FLT3: variants seen among roughly 807,000 people sequenced by gnomAD.
FLT3 encodes receptor-type tyrosine-protein kinase FLT3.
Under a neutral mutation model 126.6 loss-of-function variants are expected in FLT3, and 46 were observed. That is an observed-to-expected ratio of 0.36 (90% CI 0.29 to 0.46). FLT3 has a LOEUF of 0.46. FLT3 is among the 20% of genes least tolerant of loss of function. The pLI, the probability that FLT3 is intolerant of heterozygous loss-of-function variation, is 1.00. For synonymous variants in FLT3, 404 were observed against 434.4 expected (o/e 0.93, Z 0.87); for missense variants, 1,069 against 1,190.3 (o/e 0.90, Z 1.50).
At chr13:28,091,207 C>CTTTTT (rs572410744) in intron 1 of FLT3, among the ~76,000 whole-genome samples, 816 of 36,586 alleles carry the variant, frequency 0.022, 143 homozygotes, top group Non-Finnish European at 0.025. Context: ...GCCCCATTTT[C>CTTTTT]TTTTTTTTTT....
chr13:28,050,299 T>TTCTCC, intron 5 of FLT3, 77 bp from the exon 6 acceptor site: 1 of 1,434,628 alleles, frequency 7.0e-7, no homozygotes, highest in Non-Finnish European at 9.7e-7. Context: ...GAGAACAAAG[T>TTCTCC]TCTAGAGCCA....
chr13:28,028,016 T>C (rs75469608), intron 16 of FLT3, among the ~76,000 whole-genome samples, 162 bp downstream of exon 16: 19 of 152,300 alleles, frequency 1.2e-4, no homozygotes, highest in African/African-American at 3.8e-4. Flanking sequence ...CTCTGATTTA[T>C]AGAGTGCTCA....
chr13:28,005,533 T>G (rs1450944477), intron 23 of FLT3, among the ~76,000 whole-genome samples: 2 of 151,908 alleles, frequency 1.3e-5, no homozygotes, highest in Admixed American at 1.3e-4. Context: ...GGCCACATAT[T>G]TTTTTTTCAC....
intron 1 of FLT3, among the ~76,000 whole-genome samples, chr13:28,089,641 T>C (rs530498424): frequency 6.6e-6 from 1 of 151,944 alleles, no homozygotes; most frequent in Admixed American, 6.5e-5. Flanking sequence ...TCCACTTACA[T>C]GACATTCTAT....
chr13:28,094,677 T>C (rs7337222), intron 1 of FLT3, among the ~76,000 whole-genome samples: 27,771 of 152,048 alleles, frequency 0.18, 4,528 homozygotes, highest in African/African-American at 0.44. Context: ...TTTTTAAATT[T>C]TTTTGTAGAG....
chr13:28,020,149 T>C (rs779338467), intron 19 of FLT3, among the ~76,000 whole-genome samples: 1 of 151,972 alleles, frequency 6.6e-6, no homozygotes, highest in Non-Finnish European at 1.5e-5. Context: ...TATCCCACAT[T>C]CCCTGCTGGT....
At chr13:28,022,744 G>A (rs1406407810) in intron 19 of FLT3, among the ~76,000 whole-genome samples, 1 of 152,164 alleles carries the variant, frequency 6.6e-6, no homozygotes, top group Admixed American at 6.5e-5. Context: ...TCTGCTTATA[G>A]GCAGGAGACA....
chr13:28,076,090 C>T (rs945572368), intron 1 of FLT3, among the ~76,000 whole-genome samples: 51 of 152,244 alleles, frequency 3.3e-4, no homozygotes, highest in African/African-American at 1.1e-3. Flanking sequence ...AGCCACTGCA[C>T]ATGGCCCTTC....
Position 28,047,945 on chromosome 13 carries a change from G to A in FLT3, c.1205+330C>T, listed in dbSNP as rs561278917. On this transcript the variant is annotated intron_variant, in intron 9 of 23. Coordinates refer to ENST00000241453, the MANE Select transcript of FLT3 (RefSeq NM_004119.3). ...CTCAATCATCTGCAAATGTTTTAGG[G>A]GAGACTCAGTGTCCTACACACCGCA... Among the ~76,000 whole-genome samples the A allele has an allele frequency of 3.9e-5, 6 of 151,996 alleles. No individual in the cohort carries two copies. The East Asian group carries it at 1.2e-3, about 29-fold the overall frequency.
chr13:28,068,932 A>G (rs1321405128), intron 2 of FLT3, among the ~76,000 whole-genome samples: 1 of 152,160 alleles, frequency 6.6e-6, no homozygotes, highest in Non-Finnish European at 1.5e-5. Context: ...TAAATTTACT[A>G]AATATATGTT....
chr13:28,033,839 C>T lies in FLT3; in HGVS notation c.1942+48G>A, dbSNP rs777568185. On this transcript the variant is annotated intron_variant, in intron 15 of 23. Transcript: ENST00000241453. The stretch of plus-strand genomic sequence containing the variant: ...AAGAAGGCATGGGTGGGAAACTGTG[C>T]CTCCCATTTTTGTGCATCTTTGTTG... 7.0e-5 allele frequency: 94 copies of T among 1,342,684 alleles called. 2 individuals are homozygous for T. Among genetic ancestry groups the T allele is most frequent in the Non-Finnish European group, 9.0e-5 (84 of 933,480 alleles). 83.2% of individuals were successfully genotyped at this position (1,342,684 alleles called of 1,614,324 possible). A position where few individuals can be genotyped will look rare whatever the true frequency, so the allele number is the denominator to read the frequency against.
intron 1 of FLT3, among the ~76,000 whole-genome samples, chr13:28,078,081 T>C (rs527585827): frequency 6.6e-6 from 1 of 152,270 alleles, no homozygotes; most frequent in African/African-American, 2.4e-5. Flanking sequence ...TGGGCTGGCA[T>C]TGTGTCTGCA....
chr13:28,100,518 G>A lies in FLT3; in HGVS notation c.-8C>T. On this transcript the variant is annotated 5_prime_UTR_variant, in exon 1 of 24. Transcript: ENST00000241453. This position sits in a 1 kb window ranked among gnomAD's most constrained non-coding sequence, Gnocchi z 4.8. ...GCGCGCCAACGCCGGCATGGCCTCC[G>A]GAGCCCGGGGTCCCCAGGCCGCGCC... The A allele has an allele frequency of 8.2e-7, 1 of 1,214,586 alleles. No individual in the cohort carries two copies. The highest frequency in any genetic ancestry group is 3.3e-5 in the East Asian group (1 of 30,240). 75.2% of individuals were successfully genotyped at this position (1,214,586 alleles called of 1,614,324 possible). A position where few individuals can be genotyped will look rare whatever the true frequency, so the allele number is the denominator to read the frequency against.
At chr13:28,025,011 G>A (rs1872691347) in intron 17 of FLT3, 68 bp from the exon 18 acceptor site, 1 of 866,714 alleles carries the variant, frequency 1.2e-6, no homozygotes, top group African/African-American at 1.7e-5. Flanking sequence ...TTTTAAAAAT[G>A]TAATTCATCA....
At chr13:28,096,335 T>C (rs117390028) in intron 1 of FLT3, among the ~76,000 whole-genome samples, 14 of 152,128 alleles carry the variant, frequency 9.2e-5, no homozygotes, top group East Asian at 5.8e-4. Flanking sequence ...GCCTGGGTGA[T>C]AGGGCCAGGT....
chr13:28,040,376 T>C (rs1175246986), intron 9 of FLT3, among the ~76,000 whole-genome samples: 2 of 152,002 alleles, frequency 1.3e-5, no homozygotes, highest in Non-Finnish European at 2.9e-5. Flanking sequence ...TGGCAGGGGC[T>C]AGATTGGATA....
intron 2 of FLT3, among the ~76,000 whole-genome samples, chr13:28,070,079 T>C (rs1315656396): frequency 1.3e-5 from 2 of 152,204 alleles, no homozygotes; most frequent in African/African-American, 4.8e-5. Flanking sequence ...CATGCCACTA[T>C]ACTCCAGCCT....
rs144397269 is a variant in FLT3 at position 28,004,116 on chromosome 13, C to A, written c.2918G>T (p.Arg973Leu). Reference protein sequence around the residue: ...SECPHTYQNRRPFSREMDLGL... With the variant: ...SECPHTYQNRLPFSREMDLGL... ...CAAATCCATCTCTCTGCTGAAAGGT[C>A]GCCTGTTTTGGTAGGTGTGAGGACA... Residue 973 changes from arginine (R) to leucine (L), a missense_variant, in exon 24 of 24, where the codon CGA becomes CTA. By Grantham distance (102) the Arg-to-Leu change is moderately radical (BLOSUM62 -2). Transcript: ENST00000241453. The A allele has an allele frequency of 6.2e-7, 1 of 1,614,006 alleles. No individual in the cohort carries two copies. The highest frequency in any genetic ancestry group is 8.5e-7 in the Non-Finnish European group (1 of 1,180,000).
chr13:28,033,820 G>C (rs1873573627), intron 15 of FLT3, 67 bp downstream of exon 15: 1 of 1,134,532 alleles, frequency 8.8e-7, no homozygotes, highest in South Asian at 1.2e-5. Context: ...AGAGAAGAAG[G>C]CATGGGTGGG....
Sources: gnomAD v4.1 joint callset for allele counts (sites outside exome capture counted in the v4.1 genomes callset) on GRCh38, gnomAD v4.1.1 for gene constraint, Gnocchi (gnomAD v3.1) non-coding constraint, MANE v1.5 for transcripts, NCBI Gene and HGNC (gene_info 2026-07-23, HGNC 2026-07-21) for gene names.